AKAP10: variants seen among roughly 807,000 people sequenced by gnomAD.
The protein encoded by AKAP10 is A-kinase anchor protein 10, mitochondrial.
A neutral mutation model predicts 80.8 loss-of-function variants in AKAP10; 24 were observed. That is an observed-to-expected ratio of 0.30 (90% CI 0.22 to 0.42). The LOEUF is 0.42. Among genes scored for constraint, AKAP10 ranks in the 10% least tolerant of loss-of-function variants. The pLI, the probability that AKAP10 is intolerant of heterozygous loss-of-function variation, is 1.00. For synonymous variants in AKAP10, 291 were observed against 277.7 expected, an observed-to-expected ratio of 1.05 and a Z score of -0.48; for missense variants, 661 against 794.9, an observed-to-expected ratio of 0.83 and a Z score of 2.03.
chr17:19,967,050 A>G (rs2152419028), intron 2 of AKAP10, among the ~76,000 whole-genome samples: 1 of 152,302 alleles, frequency 6.6e-6, no homozygotes, highest in South Asian at 2.1e-4. Flanking sequence ...CAAATTGAGC[A>G]TATAGAATAA....
intron 8 of AKAP10, among the ~76,000 whole-genome samples, chr17:19,938,252 T>C (rs1597504437): frequency 9.0e-6 from 1 of 110,500 alleles, no homozygotes; most frequent in African/African-American, 3.7e-5. Context: ...TTTTTTTTTT[T>C]CTGAGACAGA....
chr17:19,939,351 C>T lies in AKAP10; in HGVS notation c.1322+362G>A, dbSNP rs77150227. ...AAACTCAAGTTTCTTGAAAGTGCCACTTTCCCCTACGTTTCCATGGCTTCT... is the reference window on the plus strand; with the variant it reads ...AAACTCAAGTTTCTTGAAAGTGCCATTTTCCCCTACGTTTCCATGGCTTCT... On this transcript the variant is annotated intron_variant, in intron 8 of 14. Transcript: ENST00000225737. Among the ~76,000 whole-genome samples the T allele has an allele frequency of 2.7e-3, 407 of 152,316 alleles. 15 individuals are homozygous for T. In the East Asian group the frequency reaches 0.074, roughly 28 times the overall value.
chr17:19,976,676 C>CGGG (rs2043571884), intron 1 of AKAP10, among the ~76,000 whole-genome samples: 1 of 151,958 alleles, frequency 6.6e-6, no homozygotes, highest in Admixed American at 6.6e-5. Context: ...TGCGCCACCA[C>CGGG]CCTGGCTAAT....
At chr17:19,938,465 G>A (rs1339369219) in intron 8 of AKAP10, among the ~76,000 whole-genome samples, 1 of 151,814 alleles carries the variant, frequency 6.6e-6, no homozygotes, top group Non-Finnish European at 1.5e-5. Context: ...TTGAACGCCT[G>A]ACCTCAAGTA....
intron 2 of AKAP10, among the ~76,000 whole-genome samples, chr17:19,965,429 A>T (rs1407873249): frequency 1.3e-5 from 2 of 152,194 alleles, no homozygotes; most frequent in South Asian, 2.1e-4. Context: ...TACTTACAGC[A>T]TCAATATCTT....
chr17:19,946,193 AATACATATATTTTATAT>A lies in AKAP10; in HGVS notation c.976+1197_976+1213del, dbSNP rs1301944671. On this transcript the variant is annotated intron_variant, in intron 5 of 14. Transcript: ENST00000225737. The stretch of plus-strand genomic sequence containing the variant: ...TATATACTATATATGCATATATACT[AATACATATATTTTATAT>A]ATATATATATTTTATATATATATAT... Among the ~76,000 whole-genome samples the A allele has an allele frequency of 1.5e-3, 130 of 85,498 alleles. 6 individuals carry two copies. Among genetic ancestry groups the A allele is most frequent in the African/African-American group, 5.7e-3 (105 of 18,430 alleles). 56.1% of individuals were successfully genotyped at this position (85,498 alleles called of 152,430 possible).
intron 2 of AKAP10, among the ~76,000 whole-genome samples, chr17:19,966,307 T>C (rs990086084): frequency 3.3e-5 from 5 of 152,116 alleles, no homozygotes; most frequent in Non-Finnish European, 7.4e-5. Flanking sequence ...TCCGTTCACA[T>C]CTCTTTACTT....
intron 10 of AKAP10, among the ~76,000 whole-genome samples, chr17:19,925,040 T>TG (rs1038649452): frequency 6.6e-6 from 1 of 152,092 alleles, no homozygotes; most frequent in Non-Finnish European, 1.5e-5. Flanking sequence ...GGTGCATGCC[T>TG]GTAACCATAG....
chr17:19,922,972 C>T (rs919927966), intron 11 of AKAP10, among the ~76,000 whole-genome samples: 33 of 152,178 alleles, frequency 2.2e-4, no homozygotes, highest in South Asian at 2.1e-4. Flanking sequence ...TGAAAAATCA[C>T]GCAATTGATA....
intron 8 of AKAP10, 35 bp downstream of exon 8, chr17:19,939,678 A>ATTG: frequency 6.3e-7 from 1 of 1,596,024 alleles, no homozygotes; most frequent in South Asian, 1.1e-5. Context: ...ATGTTCAATA[A>ATTG]GTATCTGCTG....
intron 3 of AKAP10, among the ~76,000 whole-genome samples, chr17:19,959,539 T>A (rs1007451795): frequency 6.6e-6 from 1 of 152,204 alleles, no homozygotes; most frequent in Non-Finnish European, 1.5e-5. Context: ...TCATTCATAG[T>A]AGGTTAAAGA....
chr17:19,921,369 T>C (rs1003901049), intron 11 of AKAP10, among the ~76,000 whole-genome samples: 1 of 151,984 alleles, frequency 6.6e-6, no homozygotes, highest in African/African-American at 2.4e-5. Context: ...TTTCACCATA[T>C]TGGCCAGGGT....
At position 19,941,922 on chromosome 17, in the gene AKAP10, G is replaced by A. The variant is rs1439738807; in HGVS notation, c.977-12C>T. ...TCCACAAATCCTTGCTGCAAAAGAA[G>A]TTGTAAATAATTAAATTGCCACTAA... On this transcript the variant is annotated splice_polypyrimidine_tract_variant and intron_variant, in intron 5 of 14. Coordinates refer to ENST00000225737, the MANE Select transcript of AKAP10 (RefSeq NM_007202.4). The A allele has an allele frequency of 1.2e-6, 2 of 1,606,758 alleles. No homozygotes were observed. The highest frequency in any genetic ancestry group is 1.3e-5 in the African/African-American group (1 of 74,710).
At chr17:19,942,862 T>C (rs1489658244) in intron 5 of AKAP10, among the ~76,000 whole-genome samples, 4 of 152,076 alleles carry the variant, frequency 2.6e-5, no homozygotes, top group African/African-American at 7.2e-5. Flanking sequence ...AAATCTGTGA[T>C]ACTGTGAAAT....
At chr17:19,964,918 A>C (rs1046586839) in intron 2 of AKAP10, among the ~76,000 whole-genome samples, 8 of 152,296 alleles carry the variant, frequency 5.3e-5, no homozygotes, top group African/African-American at 1.2e-4. Flanking sequence ...ACAACAACAA[A>C]AAAGTAATTC....
chr17:19,936,449 C>T lies in AKAP10; in HGVS notation c.1323-19G>A, dbSNP rs187980342. On this transcript the variant is annotated intron_variant, in intron 8 of 14. Transcript: ENST00000225737. ...GAAGTACCTATGGTAAAAAGATATC[C>T]GAAGTAAAATCAAATTCCATAGCAA... 4.6e-4 allele frequency: 726 copies of T among 1,584,698 alleles called. 4 individuals are homozygous for T. The highest frequency in any genetic ancestry group is 2.0e-3 in the South Asian group (173 of 88,536).
At chr17:19,923,534 C>CT (rs965366505) in intron 11 of AKAP10, among the ~76,000 whole-genome samples, 28 of 151,134 alleles carry the variant, frequency 1.9e-4, no homozygotes, top group South Asian at 6.3e-4. Flanking sequence ...CTGTTACTTT[C>CT]TTTTTTTTTG....
chr17:19,905,441 A>G lies in AKAP10; in HGVS notation c.*786T>C, dbSNP rs1214093347. ...CATCGCTATTTCTTTCTTTCTTTCC[A>G]CATGTATTCTGAAGGGAAAGTTAAG... On this transcript the variant is annotated 3_prime_UTR_variant, in exon 15 of 15. Coordinates refer to ENST00000225737, the MANE Select transcript of AKAP10 (RefSeq NM_007202.4). The G allele has an allele frequency of 1.3e-5, 2 of 152,216 alleles. No homozygotes were observed. Among genetic ancestry groups the G allele is most frequent in the Non-Finnish European group, 2.9e-5 (2 of 68,030 alleles). 9.4% of individuals were successfully genotyped at this position (152,216 alleles called of 1,614,324 possible).
At chr17:19,950,200 G>A (rs892473917) in intron 4 of AKAP10, among the ~76,000 whole-genome samples, 4 of 152,186 alleles carry the variant, frequency 2.6e-5, no homozygotes, top group African/African-American at 7.2e-5. Flanking sequence ...AGCTACTTGG[G>A]AGCTGTGGCA....
Sources: allele counts gnomAD v4.1 joint callset (sites outside exome capture counted in the v4.1 genomes callset), GRCh38; gene constraint gnomAD v4.1.1; transcripts MANE v1.5; gene names NCBI Gene and HGNC (gene_info 2026-07-23, HGNC 2026-07-21).